Variants in USP34 observed in about 807,000 individuals in gnomAD.
USP34 encodes ubiquitin carboxyl-terminal hydrolase 34.
In USP34, 70 loss-of-function variants were observed where a neutral mutation model predicts 460.3. The observed-to-expected ratio is 0.15, with a 90% CI of 0.13 to 0.19. The LOEUF is 0.19. Among genes scored for constraint, USP34 ranks in the 10% least tolerant of loss-of-function variants. The pLI is 1.00. For missense variants in USP34, 3,985 were observed against 4,236.2 expected (o/e 0.94, Z 1.65); for synonymous variants, 1,647 against 1,405.3 (o/e 1.17, Z -3.85).
At chr2:61,425,540 C>G (rs1285629851) in intron 1 of USP34, among the ~76,000 whole-genome samples, 1 of 152,080 alleles carries the variant, frequency 6.6e-6, no homozygotes, top group Non-Finnish European at 1.5e-5. Context: ...TGACTCCCAC[C>G]CAGGGAGGGA....
intron 35 of USP34, 48 bp downstream of exon 35, chr2:61,284,827 A>G (rs1689640045): frequency 7.0e-7 from 1 of 1,420,912 alleles, no homozygotes; most frequent in Non-Finnish European, 9.6e-7. Flanking sequence ...TTAAAACATT[A>G]TATTCCTGCT....
chr2:61,298,487 G>C (rs1319781003), intron 29 of USP34, among the ~76,000 whole-genome samples: 1 of 117,162 alleles, frequency 8.5e-6, no homozygotes, highest in Non-Finnish European at 1.6e-5. Flanking sequence ...GCAGTGAGCC[G>C]ATAACTTGTC....
At chr2:61,311,015 A>G (rs1220979600) in intron 27 of USP34, among the ~76,000 whole-genome samples, 1 of 152,134 alleles carries the variant, frequency 6.6e-6, no homozygotes, top group East Asian at 1.9e-4. Context: ...CTAAGAATCA[A>G]TGGTACTAAA....
At chr2:61,419,769 G>T (rs972294981) in intron 2 of USP34, among the ~76,000 whole-genome samples, 1 of 152,052 alleles carries the variant, frequency 6.6e-6, no homozygotes, top group African/African-American at 2.4e-5. Context: ...AATCATTGTG[G>T]ACTATTAAAG....
chr2:61,234,690 G>T (rs1688012431), intron 57 of USP34, among the ~76,000 whole-genome samples: 2 of 152,100 alleles, frequency 1.3e-5, no homozygotes, highest in African/African-American at 4.8e-5. Context: ...GCCCAGGCTG[G>T]AGTGCAGTGG....
intron 22 of USP34, among the ~76,000 whole-genome samples, chr2:61,318,522 A>T (rs1690820635): frequency 2.0e-5 from 3 of 152,214 alleles, no homozygotes; most frequent in Admixed American, 1.3e-4. Context: ...ACATGGAGAT[A>T]ACGTCACACT....
intron 41 of USP34, among the ~76,000 whole-genome samples, chr2:61,270,761 G>A (rs1451314782): frequency 6.6e-6 from 1 of 151,996 alleles, no homozygotes; most frequent in Non-Finnish European, 1.5e-5. Flanking sequence ...TATTACAGCA[G>A]CCTGAACAGA....
In USP34 at chr2:61,467,158, C is replaced by A. The variant is rs867371555; in HGVS notation, c.43+3492G>T. On this transcript the variant is annotated intron_variant, in intron 1 of 79. Transcript: ENST00000398571. ...TTTCTACTAAAAATACAAAAATTAGCTGGGCATGGTGACGTGTGCCTGTAA... is the reference window on the plus strand; with the variant it reads ...TTTCTACTAAAAATACAAAAATTAGATGGGCATGGTGACGTGTGCCTGTAA... 6.6e-5 allele frequency among the ~76,000 whole-genome samples: 10 copies of A among 152,018 alleles called. No homozygotes were observed. In the South Asian group the frequency reaches 1.7e-3, roughly 25 times the overall value.
intron 53 of USP34, among the ~76,000 whole-genome samples, chr2:61,241,253 A>G (rs1688248819): frequency 6.6e-6 from 1 of 152,002 alleles, no homozygotes; most frequent in South Asian, 2.1e-4. Flanking sequence ...CCATTTGGCC[A>G]TGCTGGTCTT....
intron 41 of USP34, among the ~76,000 whole-genome samples, chr2:61,275,890 G>A (rs770218495): frequency 4.6e-5 from 7 of 152,032 alleles, no homozygotes; most frequent in African/African-American, 7.2e-5. Flanking sequence ...ATGACAACTT[G>A]TATAAATCAA....
At chr2:61,236,794 T>C (rs1228226785) in intron 53 of USP34, among the ~76,000 whole-genome samples, 1 of 152,206 alleles carries the variant, frequency 6.6e-6, no homozygotes, top group Non-Finnish European at 1.5e-5. Flanking sequence ...ACGTGATTTG[T>C]TTATAAAAAT....
In USP34 at chr2:61,314,708, C is replaced by T. The variant is rs199739219; in HGVS notation, c.3419G>A (p.Ser1140Asn). 8 of 1,589,432 alleles carry T rather than the reference C, an allele frequency of 5.0e-6. No individual in the cohort carries two copies. The highest frequency in any genetic ancestry group is 6.8e-6 in the Non-Finnish European group (8 of 1,171,932). ...TATCATAAGACTCTCCATGCACTTA[C>T]TAATAAATTCTTGCTCCTTCTCCAA... ...TGLEKEQEFI[S>N]KCMESLMIAS... Residue 1140 changes from serine (S) to asparagine (N), a missense_variant, in exon 25 of 80, where the codon AGT (serine) becomes AAT (asparagine). This residue lies in a region of USP34 where 1,114 missense variants were observed against 1,122.5 expected (regional missense o/e 0.99). Transcript: ENST00000398571.
Position 61,232,473 on chromosome 2 carries a change from G to A in USP34, c.7092C>T (p.Cys2364=). The A allele has an allele frequency of 5.0e-6, 8 of 1,607,410 alleles. No homozygotes were observed. Among genetic ancestry groups the A allele is most frequent in the Non-Finnish European group, 6.8e-6 (8 of 1,178,068 alleles). The stretch of plus-strand genomic sequence containing the variant: ...TTACCTGTCTCACAATTTGATTAGG[G>A]CACTTAATTAGTATCTGCATTGGCC... ...DWWPMQILIK[C]PNQIVRQMFQ... is the part of the protein sequence containing the mutation. Residue 2364 remains cysteine, a synonymous_variant, in exon 58 of 80, where the codon TGC becomes TGT. Transcript: ENST00000398571.
rs1690202542 is a variant in USP34 at position 61,301,016 on chromosome 2, C to T, written c.4063G>A (p.Asp1355Asn). 1 of 1,613,864 alleles carries T rather than the reference C, an allele frequency of 6.2e-7. No homozygotes were observed. Among genetic ancestry groups the T allele is most frequent in the African/African-American group, 1.3e-5 (1 of 75,004 alleles). ...AATGATGCAAGCATCTCTAATAAAT[C>T]AAAAAGAGTAGTTAAATGAGGCTCT... is the stretch of plus-strand genomic sequence containing the variant. ...LQEPHLTTLF[D>N]LLEMLASFKP... is the part of the protein sequence containing the mutation. The change falls in exon 29 of 80, where the codon GAT (aspartate) becomes AAT (asparagine). Residue 1355 changes from aspartate (D) to asparagine (N), a missense_variant. By Grantham distance (23) the Asp-to-Asn change is conservative. This residue lies in a region of USP34 where 1,114 missense variants were observed against 1,122.5 expected (regional missense o/e 0.99). Coordinates refer to ENST00000398571, the MANE Select transcript of USP34 (RefSeq NM_014709.4).
At chr2:61,368,773 A>T (rs1692517496) in intron 10 of USP34, among the ~76,000 whole-genome samples, 1 of 152,192 alleles carries the variant, frequency 6.6e-6, no homozygotes, top group South Asian at 2.1e-4. Context: ...ACTAAAGGAG[A>T]ATTCTCTTAT....
At chr2:61,314,079 T>C (rs1166951996) in intron 25 of USP34, among the ~76,000 whole-genome samples, 2 of 152,090 alleles carry the variant, frequency 1.3e-5, no homozygotes, top group Non-Finnish European at 2.9e-5. Context: ...AAATTAATTA[T>C]ACAGATATTC....
intron 47 of USP34, among the ~76,000 whole-genome samples, 194 bp downstream of exon 47, chr2:61,256,679 T>G (rs1026884714): frequency 6.6e-6 from 1 of 152,122 alleles, no homozygotes; most frequent in Non-Finnish European, 1.5e-5. Context: ...GAAGGGTTAA[T>G]TAAAAATTTA....
intron 8 of USP34, among the ~76,000 whole-genome samples, chr2:61,370,822 A>G (rs1185766770): frequency 1.3e-5 from 2 of 152,220 alleles, no homozygotes; most frequent in African/African-American, 2.4e-5. Flanking sequence ...GATTAACACC[A>G]AGTACACAAG....
chr2:61,219,130 C>T (rs1446653425), intron 67 of USP34, among the ~76,000 whole-genome samples: 1 of 151,994 alleles, frequency 6.6e-6, no homozygotes, highest in Non-Finnish European at 1.5e-5. Context: ...TTATTTTATC[C>T]TTGGGGTTAT....
Sources: allele counts gnomAD v4.1 joint callset (sites outside exome capture counted in the v4.1 genomes callset), GRCh38; gene constraint gnomAD v4.1.1; regional missense constraint gnomAD v4.1.1; transcripts MANE v1.5; gene names NCBI Gene and HGNC (gene_info 2026-07-23, HGNC 2026-07-21).